MB21D2: variants seen among roughly 807,000 people sequenced by gnomAD.
MB21D2 encodes the protein Mab-21 domain containing 2, also known as nucleotidyltransferase MB21D2.
MB21D2 carries 9 observed loss-of-function variants against 33.3 expected under a neutral mutation model. The observed-to-expected ratio is 0.27, with a 90% CI of 0.16 to 0.47. The LOEUF (loss-of-function observed/expected upper bound fraction) is 0.47, where lower values mean the gene tolerates loss of function less well. Among genes scored for constraint, MB21D2 ranks in the 20% least tolerant of loss-of-function variants. The pLI is 0.99. For synonymous variants in MB21D2, 241 were observed against 236.3 expected, an observed-to-expected ratio of 1.02 and a Z score of -0.18; for missense variants, 540 against 624.6, an observed-to-expected ratio of 0.86 and a Z score of 1.44.
chr3:192,814,172 A>C (rs1046621142), intron 1 of MB21D2, among the ~76,000 whole-genome samples: 7 of 152,224 alleles, frequency 4.6e-5, no homozygotes, highest in Non-Finnish European at 7.3e-5. Flanking sequence ...AATAAGTCTT[A>C]GAAGTATTTC....
intron 1 of MB21D2, among the ~76,000 whole-genome samples, chr3:192,889,155 C>T (rs752098197): frequency 5.3e-5 from 8 of 152,088 alleles, no homozygotes; most frequent in Non-Finnish European, 1.2e-4. Context: ...CAGATACACA[C>T]ACAAATATAC....
rs376212702 is a variant in MB21D2 at position 192,904,175 on chromosome 3, TC to T, written c.211+13454del. On this transcript the variant is annotated intron_variant, in intron 1 of 1. Coordinates refer to ENST00000392452, the MANE Select transcript of MB21D2 (RefSeq NM_178496.4). ...TGGTTATTATTATTTTCAAACGTTT[TC>T]CCATTCAAAGAGAAAATGTATTCAG... Among the ~76,000 whole-genome samples, 112 of 152,260 alleles carry T rather than the reference TC, an allele frequency of 7.4e-4. 1 individual carries two copies. In the East Asian group the frequency reaches 0.012, roughly 17 times the overall value.
chr3:192,804,083 C>G (rs779217159), intron 1 of MB21D2, among the ~76,000 whole-genome samples: 4 of 151,974 alleles, frequency 2.6e-5, no homozygotes, highest in Non-Finnish European at 4.4e-5. Flanking sequence ...TTAATAGTAC[C>G]CTTTTATATA....
At chr3:192,811,415 T>C (rs71314471) in intron 1 of MB21D2, among the ~76,000 whole-genome samples, 2,891 of 152,288 alleles carry the variant, frequency 0.019, 67 homozygotes, top group South Asian at 0.13. Flanking sequence ...TTAATAATTC[T>C]TGATGACATT....
intron 1 of MB21D2, among the ~76,000 whole-genome samples, chr3:192,885,759 C>T (rs1373207138): frequency 1.3e-5 from 2 of 152,082 alleles, no homozygotes; most frequent in East Asian, 1.9e-4. Flanking sequence ...CTCAAATCTT[C>T]CTTGGAAGCA....
intron 1 of MB21D2, among the ~76,000 whole-genome samples, chr3:192,896,002 T>C (rs1054624947): frequency 6.6e-6 from 1 of 152,164 alleles, no homozygotes; most frequent in African/African-American, 2.4e-5. Context: ...CTAATTCTAC[T>C]TAAGGAGACG....
chr3:192,895,059 C>G (rs1463879), intron 1 of MB21D2, among the ~76,000 whole-genome samples: 139,892 of 152,106 alleles, frequency 0.92, 64,362 homozygotes, highest in East Asian at 1. Flanking sequence ...CACAGAAGCA[C>G]GAATCCGGTG....
intron 1 of MB21D2, among the ~76,000 whole-genome samples, chr3:192,889,462 C>A (rs1054677681): frequency 2.6e-5 from 4 of 152,058 alleles, no homozygotes; most frequent in African/African-American, 9.7e-5. Context: ...GCAATTAATA[C>A]TTAATTTTTA....
At chr3:192,889,893 T>A (rs773130903) in intron 1 of MB21D2, among the ~76,000 whole-genome samples, 2 of 152,028 alleles carry the variant, frequency 1.3e-5, no homozygotes, top group Non-Finnish European at 2.9e-5. Flanking sequence ...AACACTTCGT[T>A]TAACAAAATA....
intron 1 of MB21D2, among the ~76,000 whole-genome samples, chr3:192,853,744 C>A (rs1712855923): frequency 6.6e-6 from 1 of 151,948 alleles, no homozygotes; most frequent in African/African-American, 2.4e-5. Context: ...GTGTTTTTTA[C>A]AAATTGAAGG....
chr3:192,861,656 T>C (rs904585153), intron 1 of MB21D2, among the ~76,000 whole-genome samples: 3 of 152,036 alleles, frequency 2.0e-5, no homozygotes, highest in Admixed American at 1.3e-4. Context: ...AATACGAAAT[T>C]AGCCGGGCGT....
At position 192,815,320 on chromosome 3, in the gene MB21D2, T is replaced by C. The variant is rs562853408; in HGVS notation, c.212-15670A>G. On this transcript the variant is annotated intron_variant, in intron 1 of 1. Transcript: ENST00000392452. Reference sequence around the variant, plus strand: ...CTGAACCTGGCACAGGTGCCAGAAATAGAACCCAAAGTACTTGACTCTCAA... The same window carrying C: ...CTGAACCTGGCACAGGTGCCAGAAACAGAACCCAAAGTACTTGACTCTCAA... 7.9e-5 allele frequency among the ~76,000 whole-genome samples: 12 copies of C among 152,212 alleles called. 1 individual carries two copies. The highest frequency in any genetic ancestry group is 6.8e-3 in the Middle Eastern group (2 of 294).
At chr3:192,848,845 A>G (rs1712725818) in intron 1 of MB21D2, among the ~76,000 whole-genome samples, 1 of 152,210 alleles carries the variant, frequency 6.6e-6, no homozygotes, top group African/African-American at 2.4e-5. Flanking sequence ...AAAACCAGGC[A>G]TGGCTAAGCT....
At chr3:192,892,223 C>A (rs1003403940) in intron 1 of MB21D2, among the ~76,000 whole-genome samples, 1 of 152,204 alleles carries the variant, frequency 6.6e-6, no homozygotes, top group African/African-American at 2.4e-5. Context: ...CAGCTCCCAA[C>A]GTGCTTTCAC....
chr3:192,821,744 G>GATTC (rs1712064121), intron 1 of MB21D2, among the ~76,000 whole-genome samples: 1 of 152,162 alleles, frequency 6.6e-6, no homozygotes, highest in African/African-American at 2.4e-5. Flanking sequence ...GTGGGAGTTG[G>GATTC]ATTCAGAGTT....
intron 1 of MB21D2, among the ~76,000 whole-genome samples, chr3:192,896,780 C>T (rs538372868): frequency 6.6e-6 from 1 of 152,304 alleles, no homozygotes; most frequent in South Asian, 2.1e-4. Context: ...AATAATCCAG[C>T]TAGAACTCTG....
intron 1 of MB21D2, among the ~76,000 whole-genome samples, chr3:192,849,733 T>G (rs967822149): frequency 5.9e-5 from 9 of 152,222 alleles, no homozygotes; most frequent in Admixed American, 5.9e-4. Flanking sequence ...TATTTATTTA[T>G]GTCTATTGCT....
intron 1 of MB21D2, among the ~76,000 whole-genome samples, chr3:192,869,134 T>C (rs1274236147): frequency 1.3e-5 from 2 of 152,010 alleles, no homozygotes; most frequent in Non-Finnish European, 2.9e-5. Flanking sequence ...TGTGCCCCTG[T>C]AATCCCACTT....
intron 1 of MB21D2, among the ~76,000 whole-genome samples, chr3:192,902,882 A>G (rs1714134892): frequency 6.6e-6 from 1 of 152,248 alleles, no homozygotes; most frequent in African/African-American, 2.4e-5. Flanking sequence ...TTCAGAGATC[A>G]AAATATTCAT....
Sources: gnomAD v4.1 joint callset for allele counts (sites outside exome capture counted in the v4.1 genomes callset) on GRCh38, gnomAD v4.1.1 for gene constraint, MANE v1.5 for transcripts, NCBI Gene and HGNC (gene_info 2026-07-23, HGNC 2026-07-21) for gene names.